NKAIN2: variants seen among roughly 807,000 people sequenced by gnomAD.
NKAIN2 encodes the protein sodium/potassium-transporting ATPase subunit beta-1-interacting protein 2.
A neutral mutation model predicts 32.6 loss-of-function variants in NKAIN2; 14 were observed. The ratio of observed to expected loss-of-function variants is 0.43; its 90% CI spans 0.28 to 0.67. The LOEUF (loss-of-function observed/expected upper bound fraction) is 0.67, where lower values mean the gene tolerates loss of function less well. Among genes scored for constraint, NKAIN2 ranks in the 30% least tolerant of loss-of-function variants. The pLI, the probability that NKAIN2 is intolerant of heterozygous loss-of-function variation, is 0.17. For missense variants in NKAIN2, 198 were observed against 258.3 expected (o/e 0.77, Z 1.60); for synonymous variants, 80 against 87.2 (o/e 0.92, Z 0.46).
chr6:124,241,198 C>A (rs954058605), intron 1 of NKAIN2, among the ~76,000 whole-genome samples: 4 of 152,022 alleles, frequency 2.6e-5, no homozygotes, highest in Admixed American at 1.3e-4. Context: ...ATGTAAAGGA[C>A]CACTTCAAGG....
intron 1 of NKAIN2, among the ~76,000 whole-genome samples, chr6:124,280,108 G>A (rs1795224221): frequency 6.6e-6 from 1 of 152,140 alleles, no homozygotes; most frequent in South Asian, 2.1e-4. Flanking sequence ...ACAGCAGCAT[G>A]TATTTTGCTA....
intron 3 of NKAIN2, among the ~76,000 whole-genome samples, chr6:124,628,234 A>G (rs1024290944): frequency 6.6e-6 from 1 of 151,914 alleles, no homozygotes; most frequent in Admixed American, 6.6e-5. Flanking sequence ...TAAGTCTTAC[A>G]TGATCACTCA....
At chr6:124,556,806 C>T (rs1780492623) in intron 3 of NKAIN2, among the ~76,000 whole-genome samples, 1 of 151,922 alleles carries the variant, frequency 6.6e-6, no homozygotes, top group African/African-American at 2.4e-5. Flanking sequence ...CTAAACTAGT[C>T]CTATAATTGG....
intron 1 of NKAIN2, among the ~76,000 whole-genome samples, chr6:123,884,249 C>T (rs978717342): frequency 2.6e-5 from 4 of 152,066 alleles, no homozygotes; most frequent in African/African-American, 9.7e-5. Flanking sequence ...ATAATGGACT[C>T]CAGCTCCATC....
intron 5 of NKAIN2, among the ~76,000 whole-genome samples, chr6:124,812,558 A>G (rs1287195821): frequency 6.6e-6 from 1 of 152,176 alleles, no homozygotes; most frequent in Non-Finnish European, 1.5e-5. Flanking sequence ...GAAGCAAAAT[A>G]AAGCTGAGTG....
At chr6:124,616,469 T>C (rs1165608060) in intron 3 of NKAIN2, among the ~76,000 whole-genome samples, 16 of 16,642 alleles carry the variant, frequency 9.6e-4, no homozygotes, top group African/African-American at 1.4e-3. Flanking sequence ...TTTTTTTTTT[T>C]TTTTTTTTTT....
chr6:124,428,275 A>G (rs1446763247), intron 3 of NKAIN2, among the ~76,000 whole-genome samples: 1 of 152,176 alleles, frequency 6.6e-6, no homozygotes, highest in East Asian at 1.9e-4. Context: ...CTTACAAAAT[A>G]GAAAATACCA....
chr6:124,258,890 G>A (rs926410162), intron 1 of NKAIN2, among the ~76,000 whole-genome samples: 7 of 152,252 alleles, frequency 4.6e-5, no homozygotes, highest in East Asian at 1.9e-4. Context: ...ATTAGGTTAC[G>A]TAGTTCCAAG....
chr6:124,138,432 A>C (rs1427588834), intron 1 of NKAIN2, among the ~76,000 whole-genome samples: 1 of 152,068 alleles, frequency 6.6e-6, no homozygotes, highest in Non-Finnish European at 1.5e-5. Flanking sequence ...CAGTATGGAA[A>C]TTTTTTAAAG....
At chr6:124,817,546 T>C (rs915532123) in intron 5 of NKAIN2, among the ~76,000 whole-genome samples, 8 of 152,134 alleles carry the variant, frequency 5.3e-5, no homozygotes, top group Non-Finnish European at 1.2e-4. Flanking sequence ...AAGATAAAAG[T>C]GCATGACACT....
chr6:124,302,627 C>A (rs1796334973), intron 2 of NKAIN2, among the ~76,000 whole-genome samples: 1 of 151,778 alleles, frequency 6.6e-6, no homozygotes, highest in Admixed American at 6.6e-5. Flanking sequence ...CTAATTAAAG[C>A]AAAACAGAAA....
intron 3 of NKAIN2, among the ~76,000 whole-genome samples, chr6:124,557,077 T>C (rs1298797080): frequency 6.6e-6 from 1 of 152,212 alleles, no homozygotes; most frequent in African/African-American, 2.4e-5. Context: ...ACTATTATTT[T>C]AGATGTCAAT....
chr6:123,846,053 C>T (rs1422047842), intron 1 of NKAIN2, among the ~76,000 whole-genome samples: 1 of 152,126 alleles, frequency 6.6e-6, no homozygotes, highest in East Asian at 1.9e-4. Context: ...CTTTTGGAAG[C>T]TTACATTTTT....
chr6:124,653,944 T>C (rs1784452300), intron 3 of NKAIN2, among the ~76,000 whole-genome samples: 1 of 152,106 alleles, frequency 6.6e-6, no homozygotes, highest in Admixed American at 6.6e-5. Flanking sequence ...CAAATAAGTA[T>C]ATGAAAATAG....
chr6:124,766,840 CTT>C (rs1438424063), intron 4 of NKAIN2, among the ~76,000 whole-genome samples: 5 of 152,072 alleles, frequency 3.3e-5, no homozygotes, highest in Non-Finnish European at 5.9e-5. Flanking sequence ...ATTGAGAAGG[CTT>C]TTGAGCTGAT....
intron 2 of NKAIN2, among the ~76,000 whole-genome samples, chr6:124,319,187 A>G (rs1346682044): frequency 6.6e-6 from 1 of 152,128 alleles, no homozygotes; most frequent in Non-Finnish European, 1.5e-5. Context: ...CAGAGAATTT[A>G]TGTGACTTGC....
At chr6:123,857,718 A>G (rs1474973171) in intron 1 of NKAIN2, among the ~76,000 whole-genome samples, 1 of 150,666 alleles carries the variant, frequency 6.6e-6, no homozygotes, top group Non-Finnish European at 1.5e-5. Flanking sequence ...ACATGTTTAA[A>G]TAACTGATTT....
chr6:124,055,763 G>T (rs1391732766), intron 1 of NKAIN2, among the ~76,000 whole-genome samples: 17 of 152,022 alleles, frequency 1.1e-4, no homozygotes, highest in Non-Finnish European at 2.5e-4. Flanking sequence ...TCTCCTAGTT[G>T]CCAGTTGCAG....
intron 1 of NKAIN2, among the ~76,000 whole-genome samples, chr6:123,972,862 G>T (rs919450624): frequency 1.3e-5 from 2 of 152,064 alleles, no homozygotes; most frequent in African/African-American, 4.8e-5. Flanking sequence ...TTGTTGTGAG[G>T]TCTGCATGTG....
Sources: allele counts gnomAD v4.1 joint callset (sites outside exome capture counted in the v4.1 genomes callset), GRCh38; gene constraint gnomAD v4.1.1; transcripts MANE v1.5; gene names NCBI Gene and HGNC (gene_info 2026-07-23, HGNC 2026-07-21).